The following LAMA1 variants were observed in gnomAD, a reference collection of about 807,000 sequenced individuals.
LAMA1 encodes laminin subunit alpha-1.
LAMA1 carries 219 observed loss-of-function variants against 348.7 expected under a neutral mutation model. That is an observed-to-expected ratio of 0.63 (90% CI 0.56 to 0.70). The LOEUF is 0.70. Ranked by LOEUF, LAMA1 falls within the 30% of genes least tolerant of loss-of-function variation. The pLI, the probability that LAMA1 is intolerant of heterozygous loss-of-function variation, is 0.00. For missense variants in LAMA1, 3,744 were observed against 3,888.0 expected, an observed-to-expected ratio of 0.96 and a Z score of 0.99; for synonymous variants, 1,487 against 1,491.0, an observed-to-expected ratio of 1.00 and a Z score of 0.06.
In LAMA1 at chr18:6,978,374, T is replaced by C. The variant is rs773225748; in HGVS notation, c.6012A>G (p.Ile2004Met). Reference protein sequence around the residue: ...LLILRAIPKGIRDKGAKTKEL... With the variant: ...LLILRAIPKGMRDKGAKTKEL... ...CTTTGGTTTTGGCTCCCTTGTCTCT[T>C]ATACCTAAAATAAATGTATATAAAA... The change falls in exon 43 of 63, where the codon ATA becomes ATG. Residue 2004 changes from isoleucine (I) to methionine (M), a missense_variant. Physicochemically the swap from Ile to Met is conservative, Grantham distance 10 (BLOSUM62 1). Transcript: ENST00000389658. 1.1e-5 allele frequency: 17 copies of C among 1,613,872 alleles called. No homozygotes were observed. The highest frequency in any genetic ancestry group is 5.9e-6 in the Non-Finnish European group (7 of 1,180,016).
At chr18:6,976,969 A>G (rs888341278) in intron 44 of LAMA1, among the ~76,000 whole-genome samples, 2 of 152,308 alleles carry the variant, frequency 1.3e-5, no homozygotes, top group Admixed American at 6.5e-5. Flanking sequence ...GGAAACCAAC[A>G]TTCCTTTTCC....
At chr18:6,951,179 G>C (rs1460586448) in intron 57 of LAMA1, among the ~76,000 whole-genome samples, 1 of 152,148 alleles carries the variant, frequency 6.6e-6, no homozygotes, top group African/African-American at 2.4e-5. Context: ...TCAGGATGAG[G>C]ATAAAGCTGT....
At chr18:6,943,467 T>G in intron 61 of LAMA1, 65 bp from the exon 62 acceptor site, 18 of 1,279,702 alleles carry the variant, frequency 1.4e-5, no homozygotes, top group South Asian at 2.4e-5. Flanking sequence ...GTATAAGCTC[T>G]TGGAGTAGAT....
intron 1 of LAMA1, 80 bp downstream of exon 1, chr18:7,117,580 A>G (rs1189892049): frequency 1.6e-5 from 24 of 1,466,374 alleles, no homozygotes; most frequent in Non-Finnish European, 1.9e-5. Flanking sequence ...AGCAGCCCCA[A>G]CGCGACGGGC....
At chr18:7,026,355 C>A (rs2057943132) in intron 16 of LAMA1, among the ~76,000 whole-genome samples, 1 of 152,202 alleles carries the variant, frequency 6.6e-6, no homozygotes, top group African/African-American at 2.4e-5. Context: ...GATGGAGGAT[C>A]AAGCTTTTGC....
chr18:7,042,240 T>A lies in LAMA1; in HGVS notation c.1166A>T (p.Tyr389Phe). The A allele has an allele frequency of 6.2e-7, 1 of 1,606,424 alleles. No individual in the cohort carries two copies. Among genetic ancestry groups the A allele is most frequent in the Non-Finnish European group, 8.5e-7 (1 of 1,174,578 alleles). Residue 389 changes from tyrosine (Y) to phenylalanine (F), a missense_variant, in exon 9 of 63, where the codon TAT (tyrosine) becomes TTT (phenylalanine). Physicochemically the swap from Tyr to Phe is conservative, Grantham distance 22. Coordinates refer to ENST00000389658, the MANE Select transcript of LAMA1 (RefSeq NM_005559.4). ...GYYRPHKVSP[Y>F]EDEPCRPCNC... The stretch of plus-strand genomic sequence containing the variant: ...ACAGGGGCGGCAAGGCTCATCCTCA[T>A]AAGGAGACACCTGAAAGGCAGAGGT...
chr18:6,958,677 G>A lies in LAMA1; in HGVS notation c.7779-15C>T, dbSNP rs1486648117. 1.2e-6 allele frequency: 2 copies of A among 1,601,848 alleles called. No individual in the cohort carries two copies. Among genetic ancestry groups the A allele is most frequent in the Non-Finnish European group, 1.7e-6 (2 of 1,168,990 alleles). ...CAGTGATAATTCTAAAAGACCAATG[G>A]AGAAAATAAATGAAAAGCTTTAAAC... is the stretch of plus-strand genomic sequence containing the variant. On this transcript the variant is annotated splice_polypyrimidine_tract_variant and intron_variant, in intron 54 of 62. Transcript: ENST00000389658.
Position 6,999,460 on chromosome 18 carries a change from C to T in LAMA1, c.4648G>A (p.Glu1550Lys). The T allele has an allele frequency of 1.2e-6, 2 of 1,614,210 alleles. No homozygotes were observed. Among genetic ancestry groups the T allele is most frequent in the Non-Finnish European group, 1.7e-6 (2 of 1,180,028 alleles). ...DECEPRHILM[E>K]TDCVSCDDEC... ...AAATACTCACAAACACAATCTGTTT[C>T]CATCAGAATGTGCCTCGGTTCACAC... The change falls in exon 32 of 63, where the codon GAA (glutamate) becomes AAA (lysine). Residue 1550 changes from glutamate (E) to lysine (K), a missense_variant. Around this residue, in one of 3 missense-constraint regions of LAMA1, gnomAD observed 1,983 missense variants for 1,934.3 expected, o/e 1.03. Transcript: ENST00000389658.
intron 3 of LAMA1, among the ~76,000 whole-genome samples, chr18:7,070,902 A>G (rs1490623993): frequency 1.7e-5 from 2 of 115,712 alleles, no homozygotes; most frequent in East Asian, 4.7e-4. Flanking sequence ...CTGCTTCTTG[A>G]TCAAAAAAAA....
At chr18:6,948,578 A>G (rs762203685) in intron 59 of LAMA1, 22 bp from the exon 60 acceptor site, 3 of 1,614,186 alleles carry the variant, frequency 1.9e-6, no homozygotes, top group Non-Finnish European at 1.7e-6. Flanking sequence ...GACATGCAAG[A>G]GTAGACAGTG....
chr18:6,956,361 C>A, intron 56 of LAMA1: 1 of 587,748 alleles, frequency 1.7e-6, no homozygotes. Context: ...ATAATGAGTC[C>A]TTATAGAAGC....
chr18:6,984,311 C>T (rs891997284), intron 39 of LAMA1, among the ~76,000 whole-genome samples: 8 of 152,164 alleles, frequency 5.3e-5, no homozygotes, highest in African/African-American at 1.9e-4. Flanking sequence ...CTTTCCCCTT[C>T]CACAGAACAT....
chr18:7,012,832 G>A (rs1485788374), intron 23 of LAMA1, among the ~76,000 whole-genome samples: 3 of 151,246 alleles, frequency 2.0e-5, no homozygotes, highest in Non-Finnish European at 4.4e-5. Flanking sequence ...AAGGCCTGCT[G>A]CTCTACTCGT....
At position 7,042,831 on chromosome 18, in the gene LAMA1, C is replaced by T. The variant is rs533913885; in HGVS notation, c.1155+396G>A. The T allele has an allele frequency of 9.1e-5, 19 of 208,134 alleles. No homozygotes were observed. In the East Asian group the frequency reaches 2.1e-3, roughly 23 times the overall value. The allele number at this position is 208,134 out of a possible 1,614,324, so 12.9% of individuals were successfully genotyped here. A position where few individuals can be genotyped will look rare whatever the true frequency, so the allele number is the denominator to read the frequency against. ...CCGGGAGGTGGAGGTTGCAGTGAGC[C>T]GAGATCGCACCACTGCACTCCAGCC... On this transcript the variant is annotated intron_variant, in intron 8 of 62. Transcript: ENST00000389658.
chr18:6,991,352 A>ACACAAAT (rs1250744202), intron 36 of LAMA1, among the ~76,000 whole-genome samples: 2 of 151,834 alleles, frequency 1.3e-5, no homozygotes, highest in African/African-American at 4.8e-5. Flanking sequence ...AATCCTCAAA[A>ACACAAAT]CACAAATTCT....
chr18:6,986,715 G>A (rs17519184), intron 36 of LAMA1, among the ~76,000 whole-genome samples: 53,397 of 151,918 alleles, frequency 0.35, 11,120 homozygotes, highest in East Asian at 0.68. Context: ...AAGTTAAGCC[G>A]GTTAGGATGA....
Position 6,949,228 on chromosome 18 carries a change from A to G in LAMA1, c.8429T>C (p.Phe2810Ser), listed in dbSNP as rs1416356171. The G allele has an allele frequency of 6.2e-7, 1 of 1,614,102 alleles. No individual in the cohort carries two copies. The highest frequency in any genetic ancestry group is 8.5e-7 in the Non-Finnish European group (1 of 1,180,032). ...AGACTCTCGGCCGTCGACAGTTATG[A>G]AGCCTTTTCTTTTAACATAGTCTGT... ...VKTDYVKRKG[F>S]ITVDGRESPM... The change falls in exon 59 of 63, where the codon TTC (phenylalanine) becomes TCC (serine). Residue 2810 changes from phenylalanine (F) to serine (S), a missense_variant. Physicochemically the swap from Phe to Ser is radical, Grantham distance 155. Coordinates refer to ENST00000389658, the MANE Select transcript of LAMA1 (RefSeq NM_005559.4).
intron 1 of LAMA1, among the ~76,000 whole-genome samples, chr18:7,089,330 G>T (rs551907308): frequency 6.7e-6 from 1 of 150,274 alleles, no homozygotes; most frequent in African/African-American, 2.5e-5. Context: ...AGTGAGCCAA[G>T]ATCGTGCCAC....
chr18:7,068,269 C>A (rs972067431), intron 3 of LAMA1, among the ~76,000 whole-genome samples: 5 of 152,246 alleles, frequency 3.3e-5, no homozygotes, highest in African/African-American at 1.2e-4. Context: ...AGACCAGAAG[C>A]CCCTTGAGAG....
Sources: gnomAD v4.1 joint callset for allele counts (sites outside exome capture counted in the v4.1 genomes callset) on GRCh38, gnomAD v4.1.1 for gene constraint, gnomAD v4.1.1 regional missense constraint, MANE v1.5 for transcripts, NCBI Gene and HGNC (gene_info 2026-07-23, HGNC 2026-07-21) for gene names.